UNC80: variants seen among roughly 807,000 people sequenced by gnomAD.
The protein encoded by UNC80 is protein unc-80 homolog.
UNC80 carries 164 observed loss-of-function variants against 384.6 expected under a neutral mutation model. The ratio of observed to expected loss-of-function variants is 0.43; its 90% CI spans 0.38 to 0.49. The LOEUF (loss-of-function observed/expected upper bound fraction) is 0.49, where lower values mean the gene tolerates loss of function less well. Ranked by LOEUF, UNC80 falls within the 20% of genes least tolerant of loss-of-function variation. The pLI, the probability that UNC80 is intolerant of heterozygous loss-of-function variation, is 0.00. For synonymous variants in UNC80, 1,486 were observed against 1,527.8 expected, an observed-to-expected ratio of 0.97 and a Z score of 0.64; for missense variants, 3,330 against 4,143.0, an observed-to-expected ratio of 0.80 and a Z score of 5.39.
intron 51 of UNC80, among the ~76,000 whole-genome samples, chr2:209,960,191 G>T (rs539073269): frequency 6.6e-6 from 1 of 152,282 alleles, no homozygotes; most frequent in Non-Finnish European, 1.5e-5. Flanking sequence ...CTTGGCTTGG[G>T]CCTGAAATCC....
intron 47 of UNC80, among the ~76,000 whole-genome samples, chr2:209,951,099 A>G (rs1457491512): frequency 2.6e-5 from 4 of 151,982 alleles, no homozygotes; most frequent in South Asian, 2.1e-4. Flanking sequence ...CTTGAGCCCA[A>G]GTTGAGGCTG....
intron 39 of UNC80, among the ~76,000 whole-genome samples, chr2:209,934,598 C>T (rs565149319): frequency 6.6e-6 from 1 of 152,180 alleles, no homozygotes; most frequent in South Asian, 2.1e-4. Flanking sequence ...AAGTGAAAGA[C>T]AGAATTATGT....
chr2:209,861,337 G>A (rs901912228), intron 22 of UNC80, among the ~76,000 whole-genome samples: 2 of 152,232 alleles, frequency 1.3e-5, no homozygotes, highest in Non-Finnish European at 2.9e-5. Context: ...CTGTTTATGT[G>A]ATGGATTACA....
At chr2:209,943,334 G>C (rs2091743641) in intron 44 of UNC80, 46 bp from the exon 45 acceptor site, 1 of 1,547,986 alleles carries the variant, frequency 6.5e-7, no homozygotes, top group Admixed American at 2.0e-5. Flanking sequence ...GTACAACTTT[G>C]ATACTTCATT....
At position 209,926,877 on chromosome 2, in the gene UNC80, C is replaced by T. The variant is rs1220842381; in HGVS notation, c.5697C>T (p.His1899=). 2 of 1,552,278 alleles carry T rather than the reference C, an allele frequency of 1.3e-6. No individual in the cohort carries two copies. The highest frequency in any genetic ancestry group is 1.7e-4 in the Middle Eastern group (1 of 5,998). The part of the protein sequence containing the change: ...EEHTTEHTPN[H]HVPQPPQAVF... Reference sequence around the variant, plus strand: ...ATACCACTGAACACACGCCGAACCACCATGTGCCTCAGCCCCCACAAGCAG... The same window carrying T: ...ATACCACTGAACACACGCCGAACCATCATGTGCCTCAGCCCCCACAAGCAG... The change falls in exon 36 of 65, where the codon CAC becomes CAT. Residue 1899 remains histidine (H), a synonymous_variant. Coordinates refer to ENST00000673920, the MANE Select transcript of UNC80 (RefSeq NM_001371986.1).
chr2:209,790,814 G>T (rs2077748465), intron 6 of UNC80, among the ~76,000 whole-genome samples: 1 of 152,060 alleles, frequency 6.6e-6, no homozygotes, highest in Non-Finnish European at 1.5e-5. Context: ...ACACAGGATG[G>T]AAATATAATT....
rs2081546351 is a variant in UNC80 at position 209,839,002 on chromosome 2, C to G, written c.3042-220C>G. Among the ~76,000 whole-genome samples the G allele has an allele frequency of 6.6e-6, 1 of 152,064 alleles. No homozygotes were observed. The highest frequency in any genetic ancestry group is 1.5e-5 in the Non-Finnish European group (1 of 68,008). ...ATTAAAGTTGAAAAAACCTGACCACCTCATGTCATAGCAGAGACATGACTA... is the reference window on the plus strand; with the variant it reads ...ATTAAAGTTGAAAAAACCTGACCACGTCATGTCATAGCAGAGACATGACTA... On this transcript the variant is annotated intron_variant, in intron 18 of 64. Coordinates refer to ENST00000673920, the MANE Select transcript of UNC80 (RefSeq NM_001371986.1). This position sits in a 1 kb window ranked among gnomAD's most constrained non-coding sequence, Gnocchi z 4.1.
chr2:209,964,510 C>T (rs1008924237), intron 51 of UNC80, among the ~76,000 whole-genome samples: 1 of 152,048 alleles, frequency 6.6e-6, no homozygotes, highest in Admixed American at 6.6e-5. Context: ...AAGATAAGGC[C>T]GGGCGCGGTT....
At chr2:209,889,113 C>T (rs1049016275) in intron 26 of UNC80, among the ~76,000 whole-genome samples, 1 of 152,282 alleles carries the variant, frequency 6.6e-6, no homozygotes, top group Non-Finnish European at 1.5e-5. Flanking sequence ...GTTCCCTAAC[C>T]ATGGAATAGA....
At position 209,888,200 on chromosome 2, in the gene UNC80, G is replaced by A; in HGVS notation, c.4216G>A (p.Asp1406Asn). Residue 1406 changes from aspartate to asparagine, a missense_variant, in exon 26 of 65, where the codon GAT (aspartate) becomes AAT (asparagine). Asp to Asn is a conservative substitution (Grantham distance 23, BLOSUM62 1). This residue lies in a region of UNC80 where 801 missense variants were observed against 950.8 expected (regional missense o/e 0.84). Transcript: ENST00000673920. ...GVLDENEDSKDSLHSSSHTLK... is the reference protein window; with the variant it reads ...GVLDENEDSKNSLHSSSHTLK... ...CCTGGACGAAAATGAAGACTCAAAA[G>A]ATTCTCTCCACAGCAGCAGCCACAC... is the stretch of plus-strand genomic sequence containing the variant. The A allele has an allele frequency of 1.3e-6, 2 of 1,551,682 alleles. No homozygotes were observed. The highest frequency in any genetic ancestry group is 1.7e-6 in the Non-Finnish European group (2 of 1,146,982).
At chr2:209,962,703 A>G (rs2092630770) in intron 51 of UNC80, among the ~76,000 whole-genome samples, 1 of 152,178 alleles carries the variant, frequency 6.6e-6, no homozygotes, top group Non-Finnish European at 1.5e-5. Context: ...AAGCTTTTGA[A>G]AAAGACAGGC....
intron 28 of UNC80, among the ~76,000 whole-genome samples, chr2:209,904,319 A>G (rs1436186130): frequency 1.3e-5 from 2 of 152,240 alleles, no homozygotes; most frequent in African/African-American, 4.8e-5. Context: ...CAAGTCCCAC[A>G]TGGGTGGGCT....
chr2:209,824,459 G>T (rs2080363961), intron 13 of UNC80, among the ~76,000 whole-genome samples: 1 of 152,134 alleles, frequency 6.6e-6, no homozygotes, highest in Non-Finnish European at 1.5e-5. Flanking sequence ...TCTTTAAGTA[G>T]TCCCCAGGTG....
Position 209,820,425 on chromosome 2 carries a change from G to A in UNC80, c.2077G>A (p.Glu693Lys). 1.9e-6 allele frequency: 3 copies of A among 1,551,814 alleles called. No individual in the cohort carries two copies. The highest frequency in any genetic ancestry group is 2.6e-6 in the Non-Finnish European group (3 of 1,147,016). ...LLQLGVVPCV[E>K]KNRKKSENKE... ...TCAACTTGGTGTGGTGCCCTGTGTA[G>A]AAAAGAATAGAAAGAAGAGTGAAAA... Residue 693 changes from glutamate (E) to lysine (K), a missense_variant, in exon 13 of 65, where the codon GAA becomes AAA. Around this residue, in one of 8 missense-constraint regions of UNC80, gnomAD observed 937 missense variants for 1,026.8 expected, o/e 0.91. Coordinates refer to ENST00000673920, the MANE Select transcript of UNC80 (RefSeq NM_001371986.1).
chr2:209,920,796 T>G (rs182871240), intron 33 of UNC80, among the ~76,000 whole-genome samples: 223 of 152,260 alleles, frequency 1.5e-3, no homozygotes, highest in African/African-American at 5.2e-3. Flanking sequence ...ATTCTGACTT[T>G]CAATTTTATT....
At chr2:209,914,635 C>T (rs1407471152) in intron 31 of UNC80, among the ~76,000 whole-genome samples, 4 of 124,800 alleles carry the variant, frequency 3.2e-5, no homozygotes, top group African/African-American at 1.2e-4. Context: ...TCTCAGGAAT[C>T]CTTCTAGGGT....
intron 22 of UNC80, among the ~76,000 whole-genome samples, chr2:209,852,467 G>A (rs2082600940): frequency 6.6e-6 from 1 of 152,042 alleles, no homozygotes; most frequent in South Asian, 2.1e-4. Flanking sequence ...GGTTTATAAA[G>A]CACCTTCACA....
rs2125011075 is a variant in UNC80 at position 209,969,870 on chromosome 2, G to T, written c.8109G>T (p.Leu2703=). 2 of 1,551,806 alleles carry T rather than the reference G, an allele frequency of 1.3e-6. No individual in the cohort carries two copies. The highest frequency in any genetic ancestry group is 1.7e-6 in the Non-Finnish European group (2 of 1,146,998). The part of the protein sequence containing the change: ...IISFLPHLRS[L]INVCVNLVMG... ...CCTTCCTGCCTCACCTTAGGTCACTGATCAATGTCTGTGTCAATCTGGTGA... is the reference window on the plus strand; with the variant it reads ...CCTTCCTGCCTCACCTTAGGTCACTTATCAATGTCTGTGTCAATCTGGTGA... Residue 2703 remains leucine (L), a synonymous_variant, in exon 53 of 65, where the codon CTG becomes CTT. Transcript: ENST00000673920.
intron 16 of UNC80, 65 bp from the exon 17 acceptor site, chr2:209,833,937 C>A: frequency 1.3e-6 from 2 of 1,497,368 alleles, no homozygotes; most frequent in South Asian, 1.3e-5. Flanking sequence ...TCCTCTCTAC[C>A]TGGAAAAACT....
Sources: allele counts gnomAD v4.1 joint callset (sites outside exome capture counted in the v4.1 genomes callset), GRCh38; gene constraint gnomAD v4.1.1; regional missense constraint gnomAD v4.1.1; non-coding constraint Gnocchi (gnomAD v3.1); transcripts MANE v1.5; gene names NCBI Gene and HGNC (gene_info 2026-07-23, HGNC 2026-07-21).